The following SIDT1 variants were observed in gnomAD, a reference collection of about 807,000 sequenced individuals.
SIDT1 encodes SID1 transmembrane family, member 1.
A neutral mutation model predicts 107.5 loss-of-function variants in SIDT1; 101 were observed. The observed-to-expected ratio is 0.94, with a 90% CI of 0.80 to 1.11. The LOEUF (loss-of-function observed/expected upper bound fraction) is 1.11. SIDT1 is among the 50% of genes least tolerant of loss of function. The pLI is 0.00. For synonymous variants in SIDT1, 395 were observed against 398.2 expected, an observed-to-expected ratio of 0.99 and a Z score of 0.10; for missense variants, 1,076 against 1,058.2, an observed-to-expected ratio of 1.02 and a Z score of -0.23.
Position 113,573,295 on chromosome 3 carries a change from T to A in SIDT1, c.516-3627T>A, listed in dbSNP as rs148887769. The stretch of plus-strand genomic sequence containing the variant: ...GTGCAGAAGCCCAGCAGGGGATCAC[T>A]ATTCTGTGACTGGGGCTCAGGAGAT... On this transcript the variant is annotated intron_variant, in intron 3 of 24. Transcript: ENST00000264852. Among the ~76,000 whole-genome samples the A allele has an allele frequency of 2.0e-5, 3 of 152,328 alleles. No homozygotes were observed. The East Asian group carries it at 5.8e-4, about 29-fold the overall frequency.
In SIDT1 at chr3:113,566,476, C is replaced by A. The variant is rs1033239294; in HGVS notation, c.279C>A (p.Val93=). 1 of 1,614,070 alleles carries A rather than the reference C, an allele frequency of 6.2e-7. No homozygotes were observed. The highest frequency in any genetic ancestry group is 1.3e-5 in the African/African-American group (1 of 75,012). Residue 93 remains valine (V), a synonymous_variant, in exon 2 of 25, where the codon GTC becomes GTA. Transcript: ENST00000264852. ...CCTCTGAGAATCTCAACTACCCGGT[C>A]CTTGTTGTGGTTCGCCAGCAGAAAG... is the stretch of plus-strand genomic sequence containing the variant. ...NSSSENLNYP[V]LVVVRQQKEV... is the part of the protein sequence containing the mutation.
At chr3:113,571,440 A>T (rs2107420317) in intron 3 of SIDT1, among the ~76,000 whole-genome samples, 1 of 151,522 alleles carries the variant, frequency 6.6e-6, no homozygotes, top group East Asian at 2.0e-4. Flanking sequence ...TAAAATTGAA[A>T]CAACTCTACT....
At chr3:113,580,760 C>T (rs757623294) in intron 5 of SIDT1, 51 bp downstream of exon 5, 1 of 1,166,484 alleles carries the variant, frequency 8.6e-7, no homozygotes, top group Non-Finnish European at 1.3e-6. Flanking sequence ...TATATTATTC[C>T]AGAACAAATG....
intron 4 of SIDT1, among the ~76,000 whole-genome samples, chr3:113,580,288 G>A (rs371809365): frequency 7.2e-5 from 11 of 152,308 alleles, no homozygotes; most frequent in African/African-American, 2.2e-4. Flanking sequence ...TTTAAAGGGG[G>A]CAGGATGCTT....
intron 1 of SIDT1, 68 bp downstream of exon 1, chr3:113,533,311 G>C (rs1356486428): frequency 8.1e-7 from 1 of 1,228,826 alleles, no homozygotes; most frequent in Non-Finnish European, 1.1e-6. Context: ...TCGCTGCTTT[G>C]GAGTCCCCTG....
chr3:113,535,951 T>C (rs1938107170), intron 1 of SIDT1, among the ~76,000 whole-genome samples: 1 of 152,206 alleles, frequency 6.6e-6, no homozygotes, highest in Admixed American at 6.5e-5. Context: ...GCATAAGATA[T>C]CAGCAGCCCC....
In SIDT1 at chr3:113,601,572, T is replaced by G; in HGVS notation, c.1046-16T>G. The G allele has an allele frequency of 6.2e-7, 1 of 1,604,580 alleles. No homozygotes were observed. The highest frequency in any genetic ancestry group is 1.1e-5 in the South Asian group (1 of 90,834). ...AACTGGACATAAAGTGTTTGCCTCT[T>G]CACTTTTTTTAACAGGCTCTGGAAA... On this transcript the variant is annotated splice_polypyrimidine_tract_variant and intron_variant, in intron 10 of 24. Coordinates refer to ENST00000264852, the MANE Select transcript of SIDT1 (RefSeq NM_017699.3).
At chr3:113,562,137 A>G (rs931925577) in intron 1 of SIDT1, among the ~76,000 whole-genome samples, 1 of 152,150 alleles carries the variant, frequency 6.6e-6, no homozygotes, top group Non-Finnish European at 1.5e-5. Context: ...TTTAAATATC[A>G]TGTGGTCCAC....
intron 17 of SIDT1, 22 bp from the exon 18 acceptor site, chr3:113,610,986 G>C: frequency 6.2e-7 from 1 of 1,610,296 alleles, no homozygotes; most frequent in Non-Finnish European, 8.5e-7. Context: ...CTGATCATCT[G>C]GCTCCTCCTT....
At chr3:113,561,872 G>A (rs1437014161) in intron 1 of SIDT1, among the ~76,000 whole-genome samples, 1 of 152,186 alleles carries the variant, frequency 6.6e-6, no homozygotes, top group African/African-American at 2.4e-5. Flanking sequence ...CTTAAGAAGG[G>A]AGGAGGAGGT....
chr3:113,540,004 CAAAA>C (rs573816383), intron 1 of SIDT1, among the ~76,000 whole-genome samples: 6 of 87,338 alleles, frequency 6.9e-5, no homozygotes, highest in Admixed American at 2.8e-4. Context: ...AACTCCGTCT[CAAAA>C]AAAAAAAAAA....
chr3:113,585,311 G>A (rs376134283), intron 9 of SIDT1, 41 bp downstream of exon 9: 1 of 1,435,710 alleles, frequency 7.0e-7, no homozygotes, highest in Non-Finnish European at 9.8e-7. Flanking sequence ...CCCTGTGCCT[G>A]TCTCTGTGTA....
chr3:113,566,660 C>CCAAA, intron 2 of SIDT1, 119 bp downstream of exon 2: 1 of 1,142,856 alleles, frequency 8.8e-7, no homozygotes, highest in Non-Finnish European at 1.3e-6. Context: ...TCAAGACATT[C>CCAAA]TGCATACGGG....
chr3:113,600,332 TA>T (rs1294626322), intron 10 of SIDT1, among the ~76,000 whole-genome samples: 8 of 151,362 alleles, frequency 5.3e-5, no homozygotes, highest in Non-Finnish European at 7.4e-5. Flanking sequence ...TAATTTTTCA[TA>T]AAAAAAAAAT....
Position 113,576,912 on chromosome 3 carries a change from C to T in SIDT1, c.516-10C>T, listed in dbSNP as rs762555839. Reference sequence around the variant, plus strand: ...TTTCCCCTTTCCCTTCTGCCACTTACGTTTCTCAGGACAAATGTTGCCTTT... The same window carrying T: ...TTTCCCCTTTCCCTTCTGCCACTTATGTTTCTCAGGACAAATGTTGCCTTT... On this transcript the variant is annotated splice_polypyrimidine_tract_variant and intron_variant, in intron 3 of 24. Coordinates refer to ENST00000264852, the MANE Select transcript of SIDT1 (RefSeq NM_017699.3). 4.0e-5 allele frequency: 64 copies of T among 1,613,764 alleles called. 1 individual carries two copies. The Admixed American group carries it at 7.7e-4, about 19-fold the overall frequency.
At chr3:113,536,784 A>G (rs149094839) in intron 1 of SIDT1, among the ~76,000 whole-genome samples, 30 of 152,396 alleles carry the variant, frequency 2.0e-4, no homozygotes, top group African/African-American at 4.6e-4. Flanking sequence ...ACTGCTTCAA[A>G]TAAGAATGAT....
At chr3:113,542,916 G>A (rs1939091113) in intron 1 of SIDT1, among the ~76,000 whole-genome samples, 2 of 149,422 alleles carry the variant, frequency 1.3e-5, no homozygotes, top group South Asian at 2.1e-4. Context: ...GTGTGTGTGT[G>A]TGTGTGTGTG....
chr3:113,557,047 G>A (rs1041215841), intron 1 of SIDT1, among the ~76,000 whole-genome samples: 4 of 152,050 alleles, frequency 2.6e-5, no homozygotes, highest in Non-Finnish European at 2.9e-5. Flanking sequence ...TCGACCTCAG[G>A]TGATCCACCC....
At chr3:113,568,872 G>A (rs1942178639) in intron 3 of SIDT1, among the ~76,000 whole-genome samples, 1 of 151,910 alleles carries the variant, frequency 6.6e-6, no homozygotes, top group Non-Finnish European at 1.5e-5. Flanking sequence ...GGTGGCTCAC[G>A]CCTGTGATCC....
Sources: gnomAD v4.1 joint callset for allele counts (sites outside exome capture counted in the v4.1 genomes callset) on GRCh38, gnomAD v4.1.1 for gene constraint, MANE v1.5 for transcripts, NCBI Gene and HGNC (gene_info 2026-07-23, HGNC 2026-07-21) for gene names.